The following TAF3 variants were observed in gnomAD, a reference collection of about 807,000 sequenced individuals.
TAF3 encodes TATA-box binding protein associated factor 3, also known as transcription initiation factor TFIID subunit 3.
TAF3 carries 7 observed loss-of-function variants against 80.6 expected under a neutral mutation model. The ratio of observed to expected loss-of-function variants is 0.09; its 90% CI spans 0.05 to 0.16. The LOEUF is 0.16. Among genes scored for constraint, TAF3 ranks in the 10% least tolerant of loss-of-function variants. TAF3 has a pLI of 1.00. For synonymous variants in TAF3, 444 were observed against 446.1 expected, an observed-to-expected ratio of 1.00 and a Z score of 0.06; for missense variants, 921 against 1,140.2, an observed-to-expected ratio of 0.81 and a Z score of 2.77.
chr10:7,841,991 C>T (rs1230031185), intron 2 of TAF3, among the ~76,000 whole-genome samples: 1 of 152,028 alleles, frequency 6.6e-6, no homozygotes, highest in South Asian at 2.1e-4. Flanking sequence ...TGCTTTAAAT[C>T]AGGTGGATGG....
intron 2 of TAF3, among the ~76,000 whole-genome samples, chr10:7,887,536 C>A (rs1328284580): frequency 6.6e-6 from 1 of 151,748 alleles, no homozygotes; most frequent in Non-Finnish European, 1.5e-5. Flanking sequence ...GAAAGGAAGC[C>A]GGAGATGAGA....
At chr10:8,010,107 A>G (rs990164171) in intron 5 of TAF3, among the ~76,000 whole-genome samples, 2 of 151,642 alleles carry the variant, frequency 1.3e-5, no homozygotes, top group East Asian at 1.9e-4. Flanking sequence ...GGGTTTCACT[A>G]TGTTGCCCAG....
intron 2 of TAF3, among the ~76,000 whole-genome samples, chr10:7,842,148 A>ATTGTTTTTTTTTG (rs1836921128): frequency 3.8e-5 from 4 of 106,314 alleles, no homozygotes; most frequent in East Asian, 2.6e-4. Flanking sequence ...TTGAATTAAT[A>ATTGTTTTTTTTTG]TTGTTTTTTT....
rs185842876 is a variant in TAF3, at chr10:7,837,471, C to G, written c.409+12911C>G. ...CAGCTTGGCCAGCATGGCGAAACCT[C>G]GTCTCTACTAAAAATACAAAAATTA... On this transcript the variant is annotated intron_variant, in intron 2 of 6. Transcript: ENST00000344293. Among the ~76,000 whole-genome samples the G allele has an allele frequency of 1.8e-4, 28 of 151,906 alleles. 1 individual carries two copies. Among genetic ancestry groups the G allele is most frequent in the African/African-American group, 6.8e-4 (28 of 41,410 alleles).
At chr10:7,915,396 G>A (rs984081777) in intron 2 of TAF3, among the ~76,000 whole-genome samples, 5 of 150,322 alleles carry the variant, frequency 3.3e-5, no homozygotes, top group Admixed American at 6.6e-5. Context: ...TGTAATCCCA[G>A]CACTTTGGGA....
At position 7,925,811 on chromosome 10, in the gene TAF3, AAG is replaced by A. The variant is rs201834884; in HGVS notation, c.410-38107_410-38106del. On this transcript the variant is annotated intron_variant, in intron 2 of 6. Coordinates refer to ENST00000344293, the MANE Select transcript of TAF3 (RefSeq NM_031923.4). ...GAAACTCCATCTCAAAAAAAAAAAAAAGAAAAGAAAAGAAAAGAAAAAGGAAG... is the reference window on the plus strand; with the variant it reads ...GAAACTCCATCTCAAAAAAAAAAAAAAAAAGAAAAGAAAAGAAAAAGGAAG... 1.5e-4 allele frequency among the ~76,000 whole-genome samples: 21 copies of A among 135,682 alleles called. No individual in the cohort carries two copies. The South Asian group carries it at 1.9e-3, about 12-fold the overall frequency. The allele number at this position is 135,682 out of a possible 152,430, so 89.0% of individuals were successfully genotyped here.
chr10:7,822,278 G>A (rs1017236689), intron 1 of TAF3, among the ~76,000 whole-genome samples: 32 of 151,760 alleles, frequency 2.1e-4, no homozygotes, highest in Admixed American at 1.2e-3. Context: ...AAGGGGACGG[G>A]GACAGGGTTA....
At chr10:7,883,694 A>G (rs557861156) in intron 2 of TAF3, among the ~76,000 whole-genome samples, 8 of 152,306 alleles carry the variant, frequency 5.3e-5, no homozygotes, top group East Asian at 1.9e-4. Flanking sequence ...ATTCTACTCT[A>G]TGGAAGATTT....
At position 7,964,780 on chromosome 10, in the gene TAF3, A is replaced by G. The variant is rs1001518122; in HGVS notation, c.1270A>G (p.Lys424Glu). 2 of 1,614,124 alleles carry G rather than the reference A, an allele frequency of 1.2e-6. No individual in the cohort carries two copies. The highest frequency in any genetic ancestry group is 1.7e-5 in the Admixed American group (1 of 60,026). The stretch of plus-strand genomic sequence containing the variant: ...TGAAGGAGACATTTTTACTAGCCCT[A>G]AGAGAATTTCAGGCCCGGAGTGTAC... ...ESEGDIFTSPKRISGPECTTP... is the reference protein window; with the variant it reads ...ESEGDIFTSPERISGPECTTP... Residue 424 changes from lysine to glutamate, a missense_variant, in exon 3 of 7, where the codon AAG becomes GAG. This residue lies in a region of TAF3 where 743 missense variants were observed against 821.0 expected (regional missense o/e 0.90). Transcript: ENST00000344293. The surrounding 1 kb of genome is among the most constrained non-coding windows in gnomAD (Gnocchi z 4.1).
At chr10:7,917,926 G>A (rs1837726855) in intron 2 of TAF3, among the ~76,000 whole-genome samples, 1 of 152,220 alleles carries the variant, frequency 6.6e-6, no homozygotes. Flanking sequence ...ACCGAGGAGA[G>A]GAGTGGAAGG....
At chr10:7,947,813 G>T (rs1180299273) in intron 2 of TAF3, among the ~76,000 whole-genome samples, 2 of 152,144 alleles carry the variant, frequency 1.3e-5, no homozygotes, top group Non-Finnish European at 2.9e-5. Flanking sequence ...GCAGGGAAAT[G>T]ATCTGATTTG....
chr10:7,963,104 C>T (rs1045612571), intron 2 of TAF3, among the ~76,000 whole-genome samples: 5 of 152,084 alleles, frequency 3.3e-5, no homozygotes, highest in African/African-American at 1.2e-4. Flanking sequence ...TTTCATTGCA[C>T]CATACTCCCT....
chr10:7,827,791 A>AAAAAC (rs1836758199), intron 2 of TAF3, among the ~76,000 whole-genome samples: 1 of 150,180 alleles, frequency 6.7e-6, no homozygotes. Context: ...AAAAAAAAAA[A>AAAAAC]AAAAACAAAA....
intron 4 of TAF3, among the ~76,000 whole-genome samples, chr10:7,983,783 G>A (rs912151517): frequency 2.4e-4 from 37 of 152,074 alleles, no homozygotes; most frequent in Non-Finnish European, 4.3e-4. Context: ...AGGCTACAGT[G>A]AGCTGTCATT....
intron 2 of TAF3, among the ~76,000 whole-genome samples, chr10:7,961,377 C>T (rs1305245322): frequency 6.6e-6 from 1 of 152,178 alleles, no homozygotes; most frequent in Non-Finnish European, 1.5e-5. Context: ...CTCACGCGTT[C>T]TCCATCTGTG....
chr10:7,978,532 A>G (rs557248494), intron 4 of TAF3, among the ~76,000 whole-genome samples: 1 of 152,240 alleles, frequency 6.6e-6, no homozygotes, highest in Non-Finnish European at 1.5e-5. Context: ...TTGTGCCAGT[A>G]GAGACCTAGG....
chr10:7,950,286 C>T (rs1441361264), intron 2 of TAF3, among the ~76,000 whole-genome samples: 3 of 152,134 alleles, frequency 2.0e-5, no homozygotes, highest in Non-Finnish European at 4.4e-5. Context: ...TATAGAACGA[C>T]CCAGGGAAGA....
Position 8,015,925 on chromosome 10 carries a change from A to G in TAF3, c.*1174A>G, listed in dbSNP as rs1832099996. On this transcript the variant is annotated 3_prime_UTR_variant, in exon 7 of 7. Coordinates refer to ENST00000344293, the MANE Select transcript of TAF3 (RefSeq NM_031923.4). ...TGTCTTTATATTGTTTTATTTCTACAAATCTGTTCATTAATATTGTGCTTT... is the reference window on the plus strand; with the variant it reads ...TGTCTTTATATTGTTTTATTTCTACGAATCTGTTCATTAATATTGTGCTTT... The G allele has an allele frequency of 6.6e-6, 1 of 151,884 alleles. No homozygotes were observed. Among genetic ancestry groups the G allele is most frequent in the African/African-American group, 2.4e-5 (1 of 41,374 alleles). The allele number at this position is 151,884 out of a possible 1,614,324, so 9.4% of individuals were successfully genotyped here. A position where few individuals can be genotyped will look rare whatever the true frequency, so the allele number is the denominator to read the frequency against.
At chr10:7,974,816 C>G (rs936471585) in intron 3 of TAF3, among the ~76,000 whole-genome samples, 1 of 152,054 alleles carries the variant, frequency 6.6e-6, no homozygotes, top group African/African-American at 2.4e-5. Flanking sequence ...TGGCTCACAC[C>G]CGTAATCCCA....
Sources: allele counts gnomAD v4.1 joint callset (sites outside exome capture counted in the v4.1 genomes callset), GRCh38; gene constraint gnomAD v4.1.1; regional missense constraint gnomAD v4.1.1; non-coding constraint Gnocchi (gnomAD v3.1); transcripts MANE v1.5; gene names NCBI Gene and HGNC (gene_info 2026-07-23, HGNC 2026-07-21).